TMEM132C: variants seen among roughly 807,000 people sequenced by gnomAD.
TMEM132C encodes protein phosphatase 1, regulatory subunit 152.
Under a neutral mutation model 61.4 loss-of-function variants are expected in TMEM132C, and 29 were observed. The ratio of observed to expected loss-of-function variants is 0.47; its 90% CI spans 0.35 to 0.64. The LOEUF (loss-of-function observed/expected upper bound fraction) is 0.64. Ranked by LOEUF, TMEM132C falls within the 30% of genes least tolerant of loss-of-function variation. TMEM132C has a pLI of 0.00. For synonymous variants in TMEM132C, 656 were observed against 633.1 expected (o/e 1.04, Z -0.54); for missense variants, 1,408 against 1,476.9 (o/e 0.95, Z 0.76).
intron 2 of TMEM132C, among the ~76,000 whole-genome samples, chr12:128,501,540 C>T (rs1872180400): frequency 6.6e-6 from 1 of 152,124 alleles, no homozygotes; most frequent in South Asian, 2.1e-4. Flanking sequence ...TCTAAACGTA[C>T]ATTCTCCACT....
intron 1 of TMEM132C, among the ~76,000 whole-genome samples, chr12:128,386,189 T>C (rs968708753): frequency 1.3e-5 from 2 of 152,194 alleles, no homozygotes; most frequent in African/African-American, 4.8e-5. Context: ...GAGGTGGCCT[T>C]TTATTCATTT....
In TMEM132C at chr12:128,279,638, A is replaced by G. The variant is rs951865146; in HGVS notation, c.85+12151A>G. On this transcript the variant is annotated intron_variant, in intron 1 of 8. Transcript: ENST00000435159. The stretch of plus-strand genomic sequence containing the variant: ...GGCTCCCACCGCAGGGCCTTTGCAC[A>G]TGCCTACTGTGGGGTAACTTCTAGA... Among the ~76,000 whole-genome samples the G allele has an allele frequency of 2.6e-5, 4 of 152,270 alleles. No homozygotes were observed. In the East Asian group the frequency reaches 7.7e-4, roughly 29 times the overall value.
chr12:128,624,884 G>A (rs10847658), intron 4 of TMEM132C, among the ~76,000 whole-genome samples: 16,511 of 152,066 alleles, frequency 0.11, 987 homozygotes, highest in African/African-American at 0.16. Flanking sequence ...ATAGAGCCCC[G>A]TAAACCCAGT....
chr12:128,410,177 T>G (rs1273189022), intron 1 of TMEM132C, among the ~76,000 whole-genome samples: 2 of 152,166 alleles, frequency 1.3e-5, no homozygotes, highest in Non-Finnish European at 2.9e-5. Flanking sequence ...AACAGTTTTA[T>G]TTTGATACAG....
In TMEM132C at chr12:128,706,555, C is replaced by A; in HGVS notation, c.*260C>A. 1 of 368,658 alleles carries A rather than the reference C, an allele frequency of 2.7e-6. No homozygotes were observed. Among genetic ancestry groups the A allele is most frequent in the Non-Finnish European group, 4.8e-6 (1 of 207,814 alleles). The allele number at this position is 368,658 out of a possible 1,614,324, so 22.8% of individuals were successfully genotyped here. On this transcript the variant is annotated 3_prime_UTR_variant, in exon 9 of 9. Transcript: ENST00000435159. ...AGACCAAGTTACTGAACTGCACAGG[C>A]AAAATTAGGAAGGTTATTTTATGAG...
intron 1 of TMEM132C, chr12:128,288,254 C>T (rs989579933): frequency 6.6e-6 from 1 of 152,170 alleles, no homozygotes; most frequent in Non-Finnish European, 1.5e-5. Flanking sequence ...GATGGGGTTT[C>T]TCCATGTTGG....
intron 7 of TMEM132C, 33 bp from the exon 8 acceptor site, chr12:128,697,191 A>T (rs919640887): frequency 1.4e-6 from 2 of 1,474,944 alleles, no homozygotes; most frequent in African/African-American, 2.8e-5. Flanking sequence ...AACAGGTGTG[A>T]TGGATTTTCC....
At chr12:128,396,134 A>G (rs1177900621) in intron 1 of TMEM132C, among the ~76,000 whole-genome samples, 3 of 152,072 alleles carry the variant, frequency 2.0e-5, no homozygotes, top group African/African-American at 4.8e-5. Flanking sequence ...TCTGTGGGGG[A>G]AAAAACTACA....
intron 3 of TMEM132C, among the ~76,000 whole-genome samples, chr12:128,548,081 C>T (rs1874024592): frequency 6.6e-6 from 1 of 152,114 alleles, no homozygotes; most frequent in Admixed American, 6.5e-5. Context: ...GCTCTGAGAG[C>T]GGCAGGCAGC....
At chr12:128,634,408 A>G (rs1166285306) in intron 4 of TMEM132C, among the ~76,000 whole-genome samples, 1 of 152,254 alleles carries the variant, frequency 6.6e-6, no homozygotes, top group Non-Finnish European at 1.5e-5. Flanking sequence ...CCAAAAAGTA[A>G]GGAGACGGGA....
At chr12:128,636,451 A>G (rs546332409) in intron 4 of TMEM132C, among the ~76,000 whole-genome samples, 11 of 152,328 alleles carry the variant, frequency 7.2e-5, no homozygotes, top group African/African-American at 2.6e-4. Context: ...GGACATGCAC[A>G]TCTACCTGTG....
chr12:128,336,966 T>C (rs2630226), intron 1 of TMEM132C, among the ~76,000 whole-genome samples: 13,291 of 152,220 alleles, frequency 0.087, 1,173 homozygotes, highest in African/African-American at 0.23. Flanking sequence ...TGGAATGTTT[T>C]TATTTTATCT....
chr12:128,363,631 G>T (rs1048127337), intron 1 of TMEM132C, among the ~76,000 whole-genome samples: 2 of 152,062 alleles, frequency 1.3e-5, no homozygotes, highest in African/African-American at 4.8e-5. Context: ...CGGATCACGA[G>T]GTCAAGAGTT....
intron 2 of TMEM132C, among the ~76,000 whole-genome samples, chr12:128,470,285 C>T (rs114762226): frequency 0.017 from 2,627 of 152,272 alleles, 80 homozygotes; most frequent in African/African-American, 0.061. Flanking sequence ...GATTTCCAAC[C>T]AGTGAACTCT....
chr12:128,641,784 C>T (rs537335452), intron 4 of TMEM132C, among the ~76,000 whole-genome samples: 70 of 152,046 alleles, frequency 4.6e-4, no homozygotes, highest in Non-Finnish European at 7.5e-4. Context: ...ATTATTTTCC[C>T]GTTTTTATTT....
intron 4 of TMEM132C, among the ~76,000 whole-genome samples, chr12:128,629,372 G>A (rs558299504): frequency 6.6e-6 from 1 of 152,130 alleles, no homozygotes; most frequent in Admixed American, 6.5e-5. Context: ...TTTTAAAAAT[G>A]AGGCGGGAGG....
At chr12:128,353,410 CG>C (rs1186919499) in intron 1 of TMEM132C, among the ~76,000 whole-genome samples, 1 of 152,130 alleles carries the variant, frequency 6.6e-6, no homozygotes, top group Non-Finnish European at 1.5e-5. Context: ...TCTGAGACCC[CG>C]GGAGTCTGCG....
intron 2 of TMEM132C, among the ~76,000 whole-genome samples, chr12:128,473,964 CAG>C (rs1207437353): frequency 2.0e-5 from 3 of 152,224 alleles, no homozygotes; most frequent in Non-Finnish European, 2.9e-5. Context: ...TCACCCACTG[CAG>C]GCCATGTTAT....
At chr12:128,493,408 G>A (rs1195177866) in intron 2 of TMEM132C, among the ~76,000 whole-genome samples, 1 of 152,136 alleles carries the variant, frequency 6.6e-6, no homozygotes, top group Non-Finnish European at 1.5e-5. Context: ...TAGCTTGATG[G>A]GGATGGCATT....
Sources: gnomAD v4.1 joint callset for allele counts (sites outside exome capture counted in the v4.1 genomes callset) on GRCh38, gnomAD v4.1.1 for gene constraint, MANE v1.5 for transcripts, NCBI Gene and HGNC (gene_info 2026-07-23, HGNC 2026-07-21) for gene names.